FRMD4A: variants seen among roughly 807,000 people sequenced by gnomAD.
The protein encoded by FRMD4A is FERM domain containing 4A.
In FRMD4A, 29 loss-of-function variants were observed where a neutral mutation model predicts 129.1. The ratio of observed to expected loss-of-function variants is 0.22; its 90% CI spans 0.17 to 0.31. The LOEUF (loss-of-function observed/expected upper bound fraction) is 0.31, where lower values mean the gene tolerates loss of function less well. Among genes scored for constraint, FRMD4A ranks in the 10% least tolerant of loss-of-function variants. The pLI is 1.00. For missense variants in FRMD4A, 1,272 were observed against 1,375.8 expected (o/e 0.92, Z 1.19); for synonymous variants, 634 against 571.6 (o/e 1.11, Z -1.56).
chr10:13,811,133 A>C (rs1052932832), intron 3 of FRMD4A, among the ~76,000 whole-genome samples: 2 of 150,792 alleles, frequency 1.3e-5, no homozygotes, highest in Admixed American at 1.3e-4. Flanking sequence ...GTTTCCTAGA[A>C]GGGTTTTTTT....
chr10:13,663,603 CTTT>C, intron 18 of FRMD4A, 94 bp from the exon 19 acceptor site: 1 of 728,176 alleles, frequency 1.4e-6, no homozygotes, highest in South Asian at 1.5e-5. Context: ...CACCTCATAC[CTTT>C]CTCTTCCTAA....
At chr10:14,196,866 A>T (rs1842486199) in intron 2 of FRMD4A, among the ~76,000 whole-genome samples, 1 of 152,210 alleles carries the variant, frequency 6.6e-6, no homozygotes, top group African/African-American at 2.4e-5. Context: ...TTTGGGCTAA[A>T]CTTCTTACCC....
At chr10:13,814,908 C>T (rs1012463473) in intron 3 of FRMD4A, among the ~76,000 whole-genome samples, 2 of 152,004 alleles carry the variant, frequency 1.3e-5, no homozygotes, top group South Asian at 2.1e-4. Flanking sequence ...ACCCAGGAAG[C>T]AAACGTGATC....
chr10:13,783,308 A>G (rs562523089), intron 5 of FRMD4A, among the ~76,000 whole-genome samples: 2 of 152,378 alleles, frequency 1.3e-5, no homozygotes, highest in Admixed American at 6.5e-5. Context: ...TATCTGCTTT[A>G]TAATTTTACA....
chr10:14,182,720 C>T (rs921527428), intron 2 of FRMD4A, among the ~76,000 whole-genome samples: 10 of 152,136 alleles, frequency 6.6e-5, no homozygotes, highest in African/African-American at 9.7e-5. Context: ...CAGGTTCGAC[C>T]GGGGGCTCTG....
chr10:13,911,367 T>C (rs1795194866), intron 2 of FRMD4A, among the ~76,000 whole-genome samples: 1 of 152,212 alleles, frequency 6.6e-6, no homozygotes, highest in African/African-American at 2.4e-5. Context: ...ATTATAGTGT[T>C]GGGGTAAAAA....
intron 2 of FRMD4A, among the ~76,000 whole-genome samples, chr10:14,012,575 G>A (rs940861987): frequency 1.3e-5 from 2 of 152,202 alleles, no homozygotes; most frequent in African/African-American, 2.4e-5. Context: ...AGCAGCAGGA[G>A]GGGGAAGAGT....
At chr10:14,124,673 C>T (rs899170830) in intron 2 of FRMD4A, among the ~76,000 whole-genome samples, 17 of 151,764 alleles carry the variant, frequency 1.1e-4, no homozygotes, top group African/African-American at 3.9e-4. Flanking sequence ...AAGACTTTGT[C>T]TCAACTACAA....
intron 2 of FRMD4A, among the ~76,000 whole-genome samples, chr10:14,322,088 CTCTTT>C (rs1843081033): frequency 6.6e-6 from 1 of 152,150 alleles, no homozygotes; most frequent in Non-Finnish European, 1.5e-5. Context: ...TCAATTAAAC[CTCTTT>C]TCTTTATAAA....
At chr10:13,684,964 TG>T in intron 15 of FRMD4A, 1 of 984,322 alleles carries the variant, frequency 1.0e-6, no homozygotes, top group Non-Finnish European at 1.2e-6. Flanking sequence ...GGAATAAATA[TG>T]AGGAAAAGGT....
chr10:14,214,692 T>C (rs1843021351), intron 2 of FRMD4A, among the ~76,000 whole-genome samples: 1 of 152,256 alleles, frequency 6.6e-6, no homozygotes, highest in Admixed American at 6.5e-5. Flanking sequence ...TCCTATTTTC[T>C]ATAGATAATC....
chr10:13,750,898 A>T (rs192603391), intron 8 of FRMD4A, among the ~76,000 whole-genome samples: 2 of 152,326 alleles, frequency 1.3e-5, no homozygotes, highest in East Asian at 3.9e-4. Flanking sequence ...TTCAGCAAGT[A>T]TTCAATTCAC....
intron 3 of FRMD4A, among the ~76,000 whole-genome samples, chr10:13,826,527 T>C (rs1258888667): frequency 1.3e-5 from 2 of 152,132 alleles, no homozygotes; most frequent in African/African-American, 4.8e-5. Flanking sequence ...AAGAAGTCCC[T>C]CTCCGGCCCC....
At chr10:14,290,861 A>C (rs543524451) in intron 2 of FRMD4A, among the ~76,000 whole-genome samples, 1 of 152,254 alleles carries the variant, frequency 6.6e-6, no homozygotes, top group South Asian at 2.1e-4. Flanking sequence ...AATAAGTAAA[A>C]TATATGATAA....
At chr10:13,918,251 C>A (rs779536140) in intron 2 of FRMD4A, among the ~76,000 whole-genome samples, 2 of 152,080 alleles carry the variant, frequency 1.3e-5, no homozygotes, top group African/African-American at 2.4e-5. Flanking sequence ...TTGAACAGTG[C>A]CTGGAACATA....
rs756659170 is a variant in FRMD4A, at chr10:13,659,495, A to G, written c.1899-5T>C. ...CTGGGGAAGCGCTTGTGGCTGCTGC[A>G]AAGCCAAGGATGCCACGTGGTCACC... On this transcript the variant is annotated splice_region_variant and splice_polypyrimidine_tract_variant and intron_variant, in intron 20 of 24. Transcript: ENST00000357447. The G allele has an allele frequency of 6.2e-7, 1 of 1,610,808 alleles. No homozygotes were observed. Among genetic ancestry groups the G allele is most frequent in the Non-Finnish European group, 8.5e-7 (1 of 1,178,124 alleles).
At chr10:13,834,018 G>A (rs1214691849) in intron 3 of FRMD4A, among the ~76,000 whole-genome samples, 2 of 152,142 alleles carry the variant, frequency 1.3e-5, no homozygotes, top group Non-Finnish European at 2.9e-5. Context: ...AGGACTTTGG[G>A]AGGCCACGGG....
chr10:14,276,290 T>C (rs762101147), intron 2 of FRMD4A, among the ~76,000 whole-genome samples: 4 of 152,192 alleles, frequency 2.6e-5, no homozygotes, highest in Admixed American at 6.5e-5. Context: ...ATGAGAGCTG[T>C]GGAGGAAGAG....
intron 2 of FRMD4A, among the ~76,000 whole-genome samples, chr10:14,248,765 C>T (rs553952823): frequency 2.0e-4 from 30 of 152,286 alleles, no homozygotes; most frequent in African/African-American, 7.2e-4. Flanking sequence ...GGGTTCAATT[C>T]ATTTGCCTCC....
Sources: gnomAD v4.1 joint callset for allele counts (sites outside exome capture counted in the v4.1 genomes callset) on GRCh38, gnomAD v4.1.1 for gene constraint, MANE v1.5 for transcripts, NCBI Gene and HGNC (gene_info 2026-07-23, HGNC 2026-07-21) for gene names.